Variants in STK32A observed in about 807,000 individuals in gnomAD.
STK32A encodes the protein serine/threonine kinase 32A.
In STK32A, 41 loss-of-function variants were observed where a neutral mutation model predicts 53.2. That is an observed-to-expected ratio of 0.77 (90% CI 0.60 to 1.00). STK32A has a LOEUF of 1.00. STK32A is among the 50% of genes least tolerant of loss of function. The pLI, the probability that STK32A is intolerant of heterozygous loss-of-function variation, is 0.00. For missense variants in STK32A, 458 were observed against 485.8 expected, an observed-to-expected ratio of 0.94 and a Z score of 0.54; for synonymous variants, 166 against 162.8, an observed-to-expected ratio of 1.02 and a Z score of -0.15.
At chr5:147,244,113 C>A (rs77115026) in intron 2 of STK32A, among the ~76,000 whole-genome samples, 1,696 of 152,208 alleles carry the variant, frequency 0.011, 28 homozygotes, top group African/African-American at 0.038. Context: ...ACTCTATGTA[C>A]CTCATATAAA....
At chr5:147,359,360 G>A (rs1346878998) in intron 7 of STK32A, among the ~76,000 whole-genome samples, 1 of 152,118 alleles carries the variant, frequency 6.6e-6, no homozygotes, top group East Asian at 1.9e-4. Flanking sequence ...GAATAAATGT[G>A]TATTAAAATG....
intron 7 of STK32A, among the ~76,000 whole-genome samples, chr5:147,353,120 G>T (rs1756060944): frequency 6.6e-6 from 1 of 151,506 alleles, no homozygotes; most frequent in Non-Finnish European, 1.5e-5. Flanking sequence ...TAGCACATGT[G>T]TGAGGACCCC....
At chr5:147,401,529 C>A in the STK32A span, 21 of 1,607,984 alleles carry the variant, frequency 1.3e-5, no homozygotes, top group Non-Finnish European at 1.8e-5. Context: ...GCTGGGCATT[C>A]CTGCACCAAC....
At chr5:147,369,450 T>C (rs1291829738) in intron 8 of STK32A, among the ~76,000 whole-genome samples, 2 of 152,212 alleles carry the variant, frequency 1.3e-5, no homozygotes, top group South Asian at 4.1e-4. Flanking sequence ...TTGTGTCTAA[T>C]ACTATTAGCC....
chr5:147,320,159 G>A (rs1331016265), intron 4 of STK32A, among the ~76,000 whole-genome samples: 1 of 152,094 alleles, frequency 6.6e-6, no homozygotes, highest in Non-Finnish European at 1.5e-5. Flanking sequence ...ACTCCTTAAA[G>A]GAATTTGACT....
chr5:147,384,382 T>TG lies in STK32A; in HGVS notation c.*401dup, dbSNP rs1561762185. 6.5e-7 allele frequency: 1 copy of TG among 1,530,936 alleles called. No individual in the cohort carries two copies. Among genetic ancestry groups the TG allele is most frequent in the South Asian group, 1.2e-5 (1 of 83,124 alleles). The allele number at this position is 1,530,936 out of a possible 1,614,324, so 94.8% of individuals were successfully genotyped here. On this transcript the variant is annotated 3_prime_UTR_variant, in exon 13 of 13. Coordinates refer to ENST00000397936, the MANE Select transcript of STK32A (RefSeq NM_001112724.2). ...CTCCTTCTAATTATGCAGTGACAAATGGACAAATGGACACAGGACTCAGTG... is the reference window on the plus strand; with the variant it reads ...CTCCTTCTAATTATGCAGTGACAAATGGGACAAATGGACACAGGACTCAGTG...
intron 11 of STK32A, among the ~76,000 whole-genome samples, chr5:147,381,447 A>G (rs1394265887): frequency 6.6e-6 from 1 of 152,112 alleles, no homozygotes; most frequent in Non-Finnish European, 1.5e-5. Context: ...GTTTGAGATC[A>G]GCCTGGCCAA....
intron 2 of STK32A, among the ~76,000 whole-genome samples, chr5:147,247,939 T>C (rs1753825150): frequency 6.6e-6 from 1 of 151,954 alleles, no homozygotes; most frequent in Admixed American, 6.6e-5. Flanking sequence ...CTGACCAACA[T>C]GGAGAAACCC....
At chr5:147,318,282 A>G (rs1754114755) in intron 4 of STK32A, among the ~76,000 whole-genome samples, 1 of 152,218 alleles carries the variant, frequency 6.6e-6, no homozygotes, top group Admixed American at 6.5e-5. Context: ...AAAGAAAAAA[A>G]GAATATAGAT....
At chr5:147,285,770 A>AT (rs1015866475) in intron 4 of STK32A, among the ~76,000 whole-genome samples, 1 of 48,874 alleles carries the variant, frequency 2.0e-5, no homozygotes, top group African/African-American at 7.8e-5. Flanking sequence ...AATGGTTATA[A>AT]TAAAAAAAAA....
chr5:147,285,060 A>G (rs1407418405), intron 4 of STK32A, among the ~76,000 whole-genome samples: 1 of 152,210 alleles, frequency 6.6e-6, no homozygotes. Context: ...TTATACCATA[A>G]GCCCACAGTC....
intron 4 of STK32A, among the ~76,000 whole-genome samples, chr5:147,288,736 C>T (rs746917632): frequency 7.2e-5 from 11 of 152,100 alleles, no homozygotes; most frequent in Non-Finnish European, 1.6e-4. Context: ...GAGGATCCAC[C>T]CCCATGATCC....
intron 2 of STK32A, among the ~76,000 whole-genome samples, chr5:147,273,660 T>A (rs566915885): frequency 2.3e-4 from 35 of 152,348 alleles, no homozygotes; most frequent in African/African-American, 8.2e-4. Context: ...CTAGATGCAG[T>A]TAATGAGCCT....
At chr5:147,242,535 C>T (rs556783631) in intron 2 of STK32A, among the ~76,000 whole-genome samples, 12 of 152,224 alleles carry the variant, frequency 7.9e-5, no homozygotes, top group East Asian at 1.9e-4. Context: ...AGGGTGGCTG[C>T]GGTTGTCTTT....
chr5:147,284,556 C>T (rs997780687), intron 4 of STK32A, among the ~76,000 whole-genome samples: 6 of 152,008 alleles, frequency 3.9e-5, no homozygotes, highest in Admixed American at 1.3e-4. Context: ...AAGAATTCAG[C>T]AAAGTTTCCG....
chr5:147,353,576 A>G (rs1756085119), intron 7 of STK32A, among the ~76,000 whole-genome samples: 1 of 152,074 alleles, frequency 6.6e-6, no homozygotes, highest in Non-Finnish European at 1.5e-5. Flanking sequence ...CCTGGCCAAC[A>G]TGGTGAAACC....
At chr5:147,363,291 C>G (rs926083715) in intron 8 of STK32A, among the ~76,000 whole-genome samples, 1 of 151,630 alleles carries the variant, frequency 6.6e-6, no homozygotes, top group Non-Finnish European at 1.5e-5. Context: ...CGAGAATAAT[C>G]TTCTTTGAGT....
chr5:147,360,496 A>AAAG (rs1368460786), intron 7 of STK32A, among the ~76,000 whole-genome samples: 1 of 150,904 alleles, frequency 6.6e-6, no homozygotes, highest in African/African-American at 2.4e-5. Context: ...AGAAAGAAAG[A>AAAG]AAAAAAAGGA....
At chr5:147,399,337 A>G in the STK32A span, 8 of 1,446,302 alleles carry the variant, frequency 5.5e-6, no homozygotes, top group Non-Finnish European at 6.4e-6. Flanking sequence ...AAGACAACCC[A>G]CAAAGGCATA....
Sources: allele counts gnomAD v4.1 joint callset (sites outside exome capture counted in the v4.1 genomes callset), GRCh38; gene constraint gnomAD v4.1.1; transcripts MANE v1.5; gene names NCBI Gene and HGNC (gene_info 2026-07-23, HGNC 2026-07-21).